XK: variants seen among roughly 807,000 people sequenced by gnomAD.
XK encodes endoplasmic reticulum membrane adapter protein XK.
Under a neutral mutation model 14.0 loss-of-function variants are expected in XK, and 2 were observed. The ratio of observed to expected loss-of-function variants is 0.14; its 90% confidence interval spans 0.06 to 0.45. The LOEUF is 0.45. Ranked by LOEUF, XK falls within the 20% of genes least tolerant of loss-of-function variation. XK has a pLI of 0.98. For missense variants in XK, 235 were observed against 341.5 expected (o/e 0.69, Z 2.46); for synonymous variants, 149 against 147.5 (o/e 1.01, Z -0.08).
intron 2 of XK, among the ~76,000 whole-genome samples, chrX:37,716,016 G>A (rs1325975465): frequency 4.5e-5 from 5 of 111,642 alleles, no homozygotes; most frequent in South Asian, 3.8e-4. Context: ...GGTACACAGC[G>A]GGAAGACATA....
chrX:37,701,314 G>T (rs1927411779), intron 2 of XK, among the ~76,000 whole-genome samples: 1 of 112,783 alleles, frequency 8.9e-6, no homozygotes, highest in Non-Finnish European at 1.9e-5. Flanking sequence ...ATGTAATTCT[G>T]TCTTGAGTGA....
At chrX:37,688,414 G>C (rs1927141023) in intron 1 of XK, among the ~76,000 whole-genome samples, 1 of 111,139 alleles carries the variant, frequency 9.0e-6, no homozygotes, top group Non-Finnish European at 1.9e-5. Flanking sequence ...TAATGTTTAA[G>C]TGGAGTAACA....
intron 2 of XK, among the ~76,000 whole-genome samples, chrX:37,718,496 G>T (rs1270777497): frequency 8.9e-6 from 1 of 111,756 alleles, no homozygotes; most frequent in Non-Finnish European, 1.9e-5. Context: ...TAATATTTAG[G>T]TTATTTCCAG....
At chrX:37,715,211 TA>T (rs1450092827) in intron 2 of XK, among the ~76,000 whole-genome samples, 2 of 110,946 alleles carry the variant, frequency 1.8e-5, no homozygotes, top group Non-Finnish European at 3.8e-5. Flanking sequence ...TTTAGATATA[TA>T]TTTTTTTCCT....
chrX:37,719,113 T>C (rs1264167977), intron 2 of XK, among the ~76,000 whole-genome samples: 1 of 111,491 alleles, frequency 9.0e-6, no homozygotes, highest in Non-Finnish European at 1.9e-5. Context: ...TCTTTGGGAC[T>C]GTGTTACTTC....
intron 2 of XK, among the ~76,000 whole-genome samples, chrX:37,710,453 T>C (rs1464609362): frequency 8.9e-6 from 1 of 111,888 alleles, no homozygotes; most frequent in Non-Finnish European, 1.9e-5. Flanking sequence ...GGTAAAATTA[T>C]GTTGCTCATA....
chrX:37,699,545 C>A (rs1927369758), intron 2 of XK, among the ~76,000 whole-genome samples: 1 of 111,699 alleles, frequency 9.0e-6, no homozygotes, highest in African/African-American at 3.3e-5. Context: ...ATTTGAACCT[C>A]TACTGTACAA....
At chrX:37,709,777 G>A (rs1602152573) in intron 2 of XK, among the ~76,000 whole-genome samples, 1 of 111,766 alleles carries the variant, frequency 8.9e-6, no homozygotes, top group East Asian at 2.8e-4. Context: ...TTTTAATTTG[G>A]GAGAGTTTAT....
chrX:37,713,538 A>G (rs925888462), intron 2 of XK, among the ~76,000 whole-genome samples: 1 of 111,290 alleles, frequency 9.0e-6, no homozygotes, highest in Non-Finnish European at 1.9e-5. Flanking sequence ...TAGACATTAC[A>G]TGCAGACATG....
intron 2 of XK, among the ~76,000 whole-genome samples, chrX:37,708,813 T>C (rs1401138715): frequency 8.9e-6 from 1 of 112,453 alleles, no homozygotes; most frequent in Non-Finnish European, 1.9e-5. Flanking sequence ...CCTACAACTT[T>C]CTTTATTCAT....
At chrX:37,692,728 G>A (rs1927225803) in intron 1 of XK, among the ~76,000 whole-genome samples, 1 of 112,196 alleles carries the variant, frequency 8.9e-6, no homozygotes, top group African/African-American at 3.2e-5. Context: ...AATCTTTGAT[G>A]TGATCAGTGG....
Position 37,728,448 on chromosome X carries a change from C to T in XK, c.1321C>T (p.Leu441Phe). The change falls in exon 3 of 3, where the codon CTC becomes TTC. Residue 441 changes from leucine (L) to phenylalanine (F), a missense_variant. Leu to Phe is a conservative substitution (Grantham distance 22). Coordinates refer to ENST00000378616, the MANE Select transcript of XK (RefSeq NM_021083.4). ...EPGQFLNAED[L>F]CSA ...TGGTCAGTTCTTGAATGCTGAAGAT[C>T]TCTGCTCTGCTTAATGGGACCCAAG... 9 of 1,208,634 alleles carry T rather than the reference C, an allele frequency of 7.4e-6. No individual in the cohort carries two copies. The highest frequency in any genetic ancestry group is 8.9e-6 in the Non-Finnish European group (8 of 894,982).
Position 37,694,476 on chromosome X carries a change from T to C in XK, c.436T>C (p.Leu146=), listed in dbSNP as rs1478052488. The C allele has an allele frequency of 2.5e-6, 3 of 1,189,790 alleles. No individual in the cohort carries two copies. Among genetic ancestry groups the C allele is most frequent in the Non-Finnish European group, 3.4e-6 (3 of 883,555 alleles). The change falls in exon 2 of 3, where the codon TTG becomes CTG. Residue 146 remains leucine, a synonymous_variant. Coordinates refer to ENST00000378616, the MANE Select transcript of XK (RefSeq NM_021083.4). The part of the protein sequence containing the change: ...FSRASVIQAF[L]GSAPQLTLQL... ...CCGGGCGTCGGTGATCCAGGCTTTC[T>C]TGGGCTCAGCCCCCCAGCTGACCCT...
rs1928043735 is a variant in XK at position 37,729,366 on chromosome X, A to G, written c.*904A>G. The G allele has an allele frequency of 8.9e-6, 1 of 111,814 alleles. No homozygotes were observed. Among genetic ancestry groups the G allele is most frequent in the African/African-American group, 3.2e-5 (1 of 30,780 alleles). The allele number at this position is 111,814 out of a possible 1,213,427, so 9.2% of individuals were successfully genotyped here. On this transcript the variant is annotated 3_prime_UTR_variant, in exon 3 of 3. Coordinates refer to ENST00000378616, the MANE Select transcript of XK (RefSeq NM_021083.4). ...AATCTCTCACCCAGTTCAGGTGTAT[A>G]GGGAATTTTCATTTTCATTATTTCA...
At chrX:37,692,228 A>C (rs1195346118) in intron 1 of XK, among the ~76,000 whole-genome samples, 2 of 110,896 alleles carry the variant, frequency 1.8e-5, no homozygotes, top group Non-Finnish European at 3.8e-5. Flanking sequence ...TGCTATATAA[A>C]TATTAATTTT....
chrX:37,689,209 C>T (rs1479100960), intron 1 of XK, among the ~76,000 whole-genome samples: 1 of 112,050 alleles, frequency 8.9e-6, no homozygotes, highest in African/African-American at 3.2e-5. Context: ...GACCCATGAC[C>T]TTAGAGCTGA....
chrX:37,719,982 C>G, intron 2 of XK, among the ~76,000 whole-genome samples: 1 of 110,948 alleles, frequency 9.0e-6, no homozygotes, highest in East Asian at 2.8e-4. Context: ...TCAGTCATGA[C>G]TTGAGATGGT....
intron 2 of XK, among the ~76,000 whole-genome samples, chrX:37,710,678 C>T (rs1927646094): frequency 9.0e-6 from 1 of 111,571 alleles, no homozygotes; most frequent in African/African-American, 3.3e-5. Context: ...AGAGAACCAA[C>T]AAAGGATTGT....
intron 2 of XK, among the ~76,000 whole-genome samples, chrX:37,722,100 T>A (rs1556449078): frequency 8.9e-6 from 1 of 111,774 alleles, no homozygotes; most frequent in Non-Finnish European, 1.9e-5. Flanking sequence ...GAAAACTTTT[T>A]AAAATTGACT....
Sources: allele counts gnomAD v4.1 joint callset (sites outside exome capture counted in the v4.1 genomes callset), GRCh38; gene constraint gnomAD v4.1.1; transcripts MANE v1.5; gene names NCBI Gene and HGNC (gene_info 2026-07-23, HGNC 2026-07-21).